The following SLC25A31 variants were observed in gnomAD, a reference collection of about 807,000 sequenced individuals.
SLC25A31 encodes ADP/ATP translocase 4.
Under a neutral mutation model 36.2 loss-of-function variants are expected in SLC25A31, and 40 were observed. The ratio of observed to expected loss-of-function variants is 1.10; its 90% CI spans 0.86 to 1.44. The LOEUF is 1.44. SLC25A31 is among the 40% of genes most tolerant of loss of function. The probability of loss-of-function intolerance (pLI) is 0.00; values close to 1 mark genes in which losing one functional copy is unlikely to be tolerated. For missense variants in SLC25A31, 350 were observed against 397.1 expected (o/e 0.88, Z 1.01); for synonymous variants, 143 against 149.7 (o/e 0.96, Z 0.32).
chr4:127,737,486 T>G (rs1033991588), intron 1 of SLC25A31, among the ~76,000 whole-genome samples: 2 of 152,334 alleles, frequency 1.3e-5, no homozygotes. Flanking sequence ...AGTTTCCAGA[T>G]GTCTTTATCA....
At position 127,773,931 on chromosome 4, in the gene SLC25A31, T is replaced by A. The variant is rs1732418266; in HGVS notation, c.*357T>A. ...CTTTTAAATTGCTATTCATTTAATATACCTGTTTTCCCATCTTTTGAAGTC... is the reference window on the plus strand; with the variant it reads ...CTTTTAAATTGCTATTCATTTAATAAACCTGTTTTCCCATCTTTTGAAGTC... On this transcript the variant is annotated 3_prime_UTR_variant, in exon 6 of 6. Transcript: ENST00000281154. 6.1e-6 allele frequency: 1 copy of A among 163,910 alleles called. No individual in the cohort carries two copies. The highest frequency in any genetic ancestry group is 1.3e-5 in the Non-Finnish European group (1 of 76,026). The allele number at this position is 163,910 out of a possible 1,614,324, so 10.2% of individuals were successfully genotyped here. A position where few individuals can be genotyped will look rare whatever the true frequency, so the allele number is the denominator to read the frequency against.
At chr4:127,744,157 G>C (rs1731780649) in intron 1 of SLC25A31, among the ~76,000 whole-genome samples, 1 of 152,170 alleles carries the variant, frequency 6.6e-6, no homozygotes, top group African/African-American at 2.4e-5. Context: ...GAATTGAAAT[G>C]GATCCCTTTT....
intron 2 of SLC25A31, among the ~76,000 whole-genome samples, chr4:127,751,763 T>G (rs929252546): frequency 1.8e-4 from 27 of 152,080 alleles, no homozygotes; most frequent in African/African-American, 6.5e-4. Context: ...GCAAAAGATA[T>G]GAACAGACAC....
At position 127,773,475 on chromosome 4, in the gene SLC25A31, C is replaced by T. The variant is rs907411784; in HGVS notation, c.849C>T (p.Gly283=). ...QHEGISSFFR[G]AFSNVLRGTG... Reference sequence around the variant, plus strand: ...AAGGAATCAGTTCCTTTTTTCGTGGCGCCTTCTCCAATGTTCTTCGCGGTA... The same window carrying T: ...AAGGAATCAGTTCCTTTTTTCGTGGTGCCTTCTCCAATGTTCTTCGCGGTA... The change falls in exon 6 of 6, where the codon GGC becomes GGT. Residue 283 remains glycine, a synonymous_variant. Transcript: ENST00000281154. The T allele has an allele frequency of 6.2e-6, 10 of 1,613,568 alleles. No individual in the cohort carries two copies. The highest frequency in any genetic ancestry group is 4.0e-5 in the African/African-American group (3 of 74,842).
chr4:127,734,051 A>G (rs1205752091), intron 1 of SLC25A31, among the ~76,000 whole-genome samples: 3 of 152,222 alleles, frequency 2.0e-5, no homozygotes, highest in Non-Finnish European at 4.4e-5. Flanking sequence ...CCAACTTTGT[A>G]TGTGTACTTT....
In SLC25A31 at chr4:127,773,750, A is replaced by G. The variant is rs1732414761; in HGVS notation, c.*176A>G. 6 of 477,782 alleles carry G rather than the reference A, an allele frequency of 1.3e-5. No homozygotes were observed. In the South Asian group the frequency reaches 3.0e-4, roughly 24 times the overall value. 29.6% of individuals were successfully genotyped at this position (477,782 alleles called of 1,614,324 possible). A position where few individuals can be genotyped will look rare whatever the true frequency, so the allele number is the denominator to read the frequency against. ...AATACTAAAAATCAGATAAATGTGG[A>G]TTTTCCTCCCACTTAGACTCAAACA... On this transcript the variant is annotated 3_prime_UTR_variant, in exon 6 of 6. Coordinates refer to ENST00000281154, the MANE Select transcript of SLC25A31 (RefSeq NM_031291.4).
chr4:127,757,566 T>C (rs1732053604), intron 2 of SLC25A31, among the ~76,000 whole-genome samples: 1 of 152,216 alleles, frequency 6.6e-6, no homozygotes, highest in Non-Finnish European at 1.5e-5. Context: ...ATTCTACGAC[T>C]TTGTTATTGT....
intron 1 of SLC25A31, among the ~76,000 whole-genome samples, chr4:127,735,396 T>G (rs1483947652): frequency 6.6e-6 from 1 of 152,224 alleles, no homozygotes; most frequent in East Asian, 1.9e-4. Flanking sequence ...TCATCTAACA[T>G]TCAAGTTTCC....
intron 1 of SLC25A31, among the ~76,000 whole-genome samples, chr4:127,741,675 T>C (rs1258085056): frequency 6.6e-6 from 1 of 152,200 alleles, no homozygotes; most frequent in Non-Finnish European, 1.5e-5. Flanking sequence ...CCTGCAATTT[T>C]CTTTTCTTGT....
At chr4:127,746,781 A>T (rs1205824164) in intron 2 of SLC25A31, among the ~76,000 whole-genome samples, 4 of 151,998 alleles carry the variant, frequency 2.6e-5, no homozygotes, top group Non-Finnish European at 5.9e-5. Context: ...GTTTAAGTAG[A>T]TCCTATTTGT....
chr4:127,771,079 C>T (rs1312675849), intron 5 of SLC25A31, among the ~76,000 whole-genome samples: 1 of 151,204 alleles, frequency 6.6e-6, no homozygotes, highest in Non-Finnish European at 1.5e-5. Context: ...GCCTCAGCCT[C>T]CCGAGTAGCT....
chr4:127,742,310 C>A (rs967975874), intron 1 of SLC25A31, among the ~76,000 whole-genome samples: 1 of 152,158 alleles, frequency 6.6e-6, no homozygotes, highest in East Asian at 1.9e-4. Context: ...AACCTTTGGG[C>A]CTCCCAGATA....
At chr4:127,753,144 A>G (rs1301796309) in intron 2 of SLC25A31, among the ~76,000 whole-genome samples, 1 of 152,212 alleles carries the variant, frequency 6.6e-6, no homozygotes, top group Non-Finnish European at 1.5e-5. Context: ...AAAATTTTAA[A>G]TATCTTGAGA....
chr4:127,734,074 T>C (rs1731578954), intron 1 of SLC25A31, among the ~76,000 whole-genome samples: 1 of 152,202 alleles, frequency 6.6e-6, no homozygotes, highest in Admixed American at 6.5e-5. Flanking sequence ...TTTAACACTG[T>C]TTAAACCTTT....
chr4:127,744,282 A>G (rs1199088856), intron 1 of SLC25A31, among the ~76,000 whole-genome samples: 2 of 152,104 alleles, frequency 1.3e-5, no homozygotes, highest in Admixed American at 6.6e-5. Flanking sequence ...CAGTAAGTGG[A>G]TTTATTCTAT....
At chr4:127,757,367 A>G (rs112494475) in intron 2 of SLC25A31, among the ~76,000 whole-genome samples, 1 of 152,164 alleles carries the variant, frequency 6.6e-6, no homozygotes, top group African/African-American at 2.4e-5. Flanking sequence ...GTTCCCACTT[A>G]TAAGTGAGAA....
chr4:127,767,758 A>G (rs1732272852), intron 4 of SLC25A31, among the ~76,000 whole-genome samples: 1 of 152,110 alleles, frequency 6.6e-6, no homozygotes, highest in Admixed American at 6.5e-5. Flanking sequence ...GTGGTAGGAA[A>G]AAGAAAAATT....
At chr4:127,740,488 C>T (rs2148754595) in intron 1 of SLC25A31, among the ~76,000 whole-genome samples, 1 of 152,304 alleles carries the variant, frequency 6.6e-6, no homozygotes, top group East Asian at 1.9e-4. Context: ...GCTGAGTCAA[C>T]TGAGGCAAAC....
intron 1 of SLC25A31, among the ~76,000 whole-genome samples, chr4:127,737,294 G>C (rs564346864): frequency 6.6e-6 from 1 of 152,084 alleles, no homozygotes; most frequent in South Asian, 2.1e-4. Flanking sequence ...TACTTTAACA[G>C]TTTTCCTGTT....
Sources: allele counts gnomAD v4.1 joint callset (sites outside exome capture counted in the v4.1 genomes callset), GRCh38; gene constraint gnomAD v4.1.1; transcripts MANE v1.5; gene names NCBI Gene and HGNC (gene_info 2026-07-23, HGNC 2026-07-21).